Variants in GBP5 observed in about 807,000 individuals in gnomAD.
GBP5 encodes guanylate binding protein 5.
GBP5 carries 48 observed loss-of-function variants against 58.2 expected under a neutral mutation model. The ratio of observed to expected loss-of-function variants is 0.83; its 90% CI spans 0.65 to 1.05. The LOEUF is 1.05. GBP5 is among the 50% of genes least tolerant of loss of function. The probability of loss-of-function intolerance (pLI) is 0.00; values close to 1 mark genes in which losing one functional copy is unlikely to be tolerated. For missense variants in GBP5, 714 were observed against 686.8 expected (o/e 1.04, Z -0.44); for synonymous variants, 248 against 251.8 (o/e 0.98, Z 0.14).
In GBP5 at chr1:89,258,643, A is replaced by G. The variant is rs1649877058; in HGVS notation, c.*2061T>C. ...CTAAAATTTTTCGGCTTTTTTCTGT[A>G]TATAAGTAAATCATATTTTGGGTGA... On this transcript the variant is annotated 3_prime_UTR_variant, in exon 12 of 12. Coordinates refer to ENST00000370459, the MANE Select transcript of GBP5 (RefSeq NM_052942.5). Among the ~76,000 whole-genome samples, 2 of 152,306 alleles carry G rather than the reference A, an allele frequency of 1.3e-5. No homozygotes were observed. Among genetic ancestry groups the G allele is most frequent in the Middle Eastern group, 3.4e-3 (1 of 294 alleles).
At chr1:89,271,174 A>G (rs1650433133) in intron 1 of GBP5, 1 of 152,202 alleles carries the variant, frequency 6.6e-6, no homozygotes, top group African/African-American at 2.4e-5. Context: ...GTGTTCTGGG[A>G]TGCATTCTCC....
chr1:89,266,429 T>G lies in GBP5; in HGVS notation c.785A>C (p.Gln262Pro). The G allele has an allele frequency of 6.2e-7, 1 of 1,614,160 alleles. No individual in the cohort carries two copies. Among genetic ancestry groups the G allele is most frequent in the Non-Finnish European group, 8.5e-7 (1 of 1,179,988 alleles). Residue 262 changes from glutamine to proline, a missense_variant, in exon 7 of 12, where the codon CAA (glutamine) becomes CCA (proline). Gln to Pro is a moderately conservative substitution (Grantham distance 76). Coordinates refer to ENST00000370459, the MANE Select transcript of GBP5 (RefSeq NM_052942.5). ...PDDELEPEFV[Q>P]QVTEFCSYIF... The stretch of plus-strand genomic sequence containing the variant: ...GTAGGAACAGAATTCTGTCACTTGT[T>G]GCACAAATTCAGGCTCTAGCTCATC...
chr1:89,264,126 A>C (rs1363924312), intron 8 of GBP5, among the ~76,000 whole-genome samples, 178 bp from the exon 9 acceptor site: 4 of 152,088 alleles, frequency 2.6e-5, no homozygotes, highest in Admixed American at 1.3e-4. Context: ...CTATAGAAAA[A>C]TGACATTTAC....
At chr1:89,271,975 A>G (rs1466251598) in intron 1 of GBP5, 1 of 152,228 alleles carries the variant, frequency 6.6e-6, no homozygotes, top group Non-Finnish European at 1.5e-5. Context: ...CTAAAAATAC[A>G]TCACTGTTTT....
intron 8 of GBP5, 73 bp from the exon 9 acceptor site, chr1:89,264,021 G>T (rs1183991803): frequency 8.3e-6 from 8 of 958,296 alleles, no homozygotes; most frequent in Admixed American, 2.1e-5. Context: ...TTCTGAAAAA[G>T]AATCTATATT....
intron 1 of GBP5, chr1:89,271,579 C>T (rs1293919240): frequency 1.3e-5 from 2 of 152,044 alleles, no homozygotes; most frequent in Admixed American, 6.6e-5. Flanking sequence ...GGGTTTTGCG[C>T]CTGCATTTGT....
Position 89,263,759 on chromosome 1 carries a change from G to A in GBP5, c.1339C>T (p.Arg447Trp), listed in dbSNP as rs778829194. Residue 447 changes from arginine (R) to tryptophan (W), a missense_variant, in exon 9 of 12, where the codon CGG (arginine) becomes TGG (tryptophan). Arg to Trp is a moderately radical substitution (Grantham distance 101). Coordinates refer to ENST00000370459, the MANE Select transcript of GBP5 (RefSeq NM_052942.5). ...ACCTGTATTCCTTTCCGAGGCTCCC[G>A]ATAGTACTTTGCCTTCAGTTCTTCT... is the stretch of plus-strand genomic sequence containing the variant. ...KTEELKAKYY[R>W]EPRKGIQAEE... is the part of the protein sequence containing the mutation. 10 of 1,613,146 alleles carry A rather than the reference G, an allele frequency of 6.2e-6. No individual in the cohort carries two copies. In the Admixed American group the frequency reaches 6.7e-5, roughly 11 times the overall value.
At chr1:89,265,378 T>C (rs1650167893) in intron 7 of GBP5, among the ~76,000 whole-genome samples, 1 of 151,126 alleles carries the variant, frequency 6.6e-6, no homozygotes. Context: ...TATTTATATA[T>C]ATATTTATTA....
rs771142208 is a variant in GBP5, at chr1:89,269,362, T to C, written c.190+4A>G. ...TTTGGCAGAGCTTTGCTGGTACCAC[T>C]CACCCTTGTTCTTCCCAGCCAGCTT... is the stretch of plus-strand genomic sequence containing the variant. On this transcript the variant is annotated splice_donor_region_variant and intron_variant, in intron 3 of 11. Transcript: ENST00000370459. The C allele has an allele frequency of 1.2e-6, 2 of 1,613,654 alleles. No homozygotes were observed. The highest frequency in any genetic ancestry group is 2.7e-5 in the African/African-American group (2 of 75,026).
At chr1:89,268,058 T>A (rs1650295877) in intron 4 of GBP5, among the ~76,000 whole-genome samples, 1 of 152,188 alleles carries the variant, frequency 6.6e-6, no homozygotes, top group East Asian at 1.9e-4. Context: ...AAGATCCAGT[T>A]GTGTGCTGGA....
Position 89,260,683 on chromosome 1 carries a change from GA to G in GBP5, c.*20del. The G allele has an allele frequency of 6.8e-7, 1 of 1,473,320 alleles. No individual in the cohort carries two copies. Among genetic ancestry groups the G allele is most frequent in the Non-Finnish European group, 9.5e-7 (1 of 1,054,346 alleles). 91.3% of individuals were successfully genotyped at this position (1,473,320 alleles called of 1,614,324 possible). ...CATCAGTGACAAAGAGTAAAAAAAG[GA>G]AACTCCCATATTTAGCACTTTAGAG... On this transcript the variant is annotated 3_prime_UTR_variant, in exon 12 of 12. Coordinates refer to ENST00000370459, the MANE Select transcript of GBP5 (RefSeq NM_052942.5).
intron 10 of GBP5, 63 bp downstream of exon 10, chr1:89,262,620 G>C: frequency 2.4e-6 from 3 of 1,239,390 alleles, no homozygotes; most frequent in Non-Finnish European, 3.5e-6. Context: ...TGAGGGCCAG[G>C]CCAAATTTAT....
chr1:89,262,088 G>T, intron 11 of GBP5, 132 bp downstream of exon 11: 1 of 809,088 alleles, frequency 1.2e-6, no homozygotes, highest in Non-Finnish European at 2.0e-6. Context: ...GTGGAGCTTG[G>T]ATTCATACCC....
At chr1:89,263,460 T>A (rs771851724) in intron 9 of GBP5, 2 of 330,706 alleles carry the variant, frequency 6.0e-6, no homozygotes, top group African/African-American at 4.1e-5. Flanking sequence ...AAGGCCTCTT[T>A]GTTGCAATGA....
Position 89,264,858 on chromosome 1 carries a change from A to C in GBP5, c.977T>G (p.Val326Gly). Residue 326 changes from valine (V) to glycine (G), a missense_variant, in exon 8 of 12, where the codon GTG (valine) becomes GGG (glycine). Val to Gly is a moderately radical substitution (Grantham distance 109). Transcript: ENST00000370459. ...ALAQRENSAAVQKAIAHYDQQ... is the reference protein window; with the variant it reads ...ALAQRENSAAGQKAIAHYDQQ... Reference sequence around the variant, plus strand: ...GTCATAGTGGGCAATGGCCTTTTGCACTGCAGCTGAGTTCTCTCTCTGAGC... The same window carrying C: ...GTCATAGTGGGCAATGGCCTTTTGCCCTGCAGCTGAGTTCTCTCTCTGAGC... 6.2e-7 allele frequency: 1 copy of C among 1,614,188 alleles called. No homozygotes were observed. The highest frequency in any genetic ancestry group is 8.5e-7 in the Non-Finnish European group (1 of 1,180,028).
chr1:89,272,453 G>A lies in GBP5; in HGVS notation c.-129C>T, dbSNP rs768658159. On this transcript the variant is annotated splice_region_variant and 5_prime_UTR_variant, in exon 1 of 12. The change creates a new upstream start codon in the 5' untranslated region. Transcript: ENST00000370459. Reference sequence around the variant, plus strand: ...TTCCACCTCTTGCCCCAGTCTTACCGTGTCCGGAATTGGTGGGTTCTTGGT... The same window carrying A: ...TTCCACCTCTTGCCCCAGTCTTACCATGTCCGGAATTGGTGGGTTCTTGGT... 11 of 170,266 alleles carry A rather than the reference G, an allele frequency of 6.5e-5. No homozygotes were observed. The highest frequency in any genetic ancestry group is 1.2e-4 in the Non-Finnish European group (10 of 82,714). The allele number at this position is 170,266 out of a possible 1,614,324, so 10.5% of individuals were successfully genotyped here.
Position 89,257,568 on chromosome 1 carries a change from C to T in GBP5, c.*3136G>A, listed in dbSNP as rs140537333. On this transcript the variant is annotated 3_prime_UTR_variant, in exon 12 of 12. Coordinates refer to ENST00000370459, the MANE Select transcript of GBP5 (RefSeq NM_052942.5). Reference sequence around the variant, plus strand: ...AATTTCAATGCTTTAACAATAATAACTTTAATAATGATAACACTAACATAC... The same window carrying T: ...AATTTCAATGCTTTAACAATAATAATTTTAATAATGATAACACTAACATAC... Among the ~76,000 whole-genome samples, 1 of 152,164 alleles carries T rather than the reference C, an allele frequency of 6.6e-6. No homozygotes were observed. The highest frequency in any genetic ancestry group is 6.5e-5 in the Admixed American group (1 of 15,276).
At position 89,264,748 on chromosome 1, in the gene GBP5, T is replaced by C. The variant is rs750597229; in HGVS notation, c.1087A>G (p.Ile363Val). 1.2e-6 allele frequency: 2 copies of C among 1,614,226 alleles called. No homozygotes were observed. Among genetic ancestry groups the C allele is most frequent in the Admixed American group, 3.3e-5 (2 of 60,026 alleles). Reference protein sequence around the residue: ...DLHRTSEREAIEVFMKNSFKD... With the variant: ...DLHRTSEREAVEVFMKNSFKD... ...AAAGAGTTTTTCATGAAGACTTCAATGGCCTCCCTCTCACTGGTCCTGTGC... is the reference window on the plus strand; with the variant it reads ...AAAGAGTTTTTCATGAAGACTTCAACGGCCTCCCTCTCACTGGTCCTGTGC... Residue 363 changes from isoleucine to valine, a missense_variant, in exon 8 of 12, where the codon ATT becomes GTT. By Grantham distance (29) the Ile-to-Val change is conservative (BLOSUM62 3). Transcript: ENST00000370459.
intron 9 of GBP5, 73 bp from the exon 10 acceptor site, chr1:89,262,858 T>C: frequency 1.1e-6 from 1 of 915,204 alleles, no homozygotes; most frequent in South Asian, 1.7e-5. Flanking sequence ...CTTTGTCTTG[T>C]TCCTTCCAGC....
Sources: allele counts gnomAD v4.1 joint callset (sites outside exome capture counted in the v4.1 genomes callset), GRCh38; gene constraint gnomAD v4.1.1; transcripts MANE v1.5; gene names NCBI Gene and HGNC (gene_info 2026-07-23, HGNC 2026-07-21).